Variants in LETM1 observed in about 807,000 individuals in gnomAD.
LETM1 encodes mitochondrial proton/calcium exchanger protein.
In LETM1, 50 loss-of-function variants were observed where a neutral mutation model predicts 74.5. The ratio of observed to expected loss-of-function variants is 0.67; its 90% CI spans 0.53 to 0.85. LETM1 has a LOEUF of 0.85. Ranked by LOEUF, LETM1 falls within the 40% of genes least tolerant of loss-of-function variation. LETM1 has a pLI of 0.00. For synonymous variants in LETM1, 446 were observed against 407.1 expected (o/e 1.10, Z -1.15); for missense variants, 824 against 967.8 (o/e 0.85, Z 1.97).
rs932765202 is a variant in LETM1 at position 1,823,234 on chromosome 4, C to G, written c.1333-103G>C. On this transcript the variant is annotated intron_variant, in intron 8 of 13. Transcript: ENST00000302787. ...CCTGTGTCCCCTGCCCCGTCACCAC[C>G]TGGGCTTCACACACACAGGACAGAA... 2.2e-6 allele frequency: 3 copies of G among 1,388,798 alleles called. No homozygotes were observed. In the African/African-American group the frequency reaches 4.4e-5, roughly 20 times the overall value. The allele number at this position is 1,388,798 out of a possible 1,614,324, so 86.0% of individuals were successfully genotyped here.
intron 1 of LETM1, among the ~76,000 whole-genome samples, chr4:1,852,747 T>A (rs952761551): frequency 2.6e-5 from 4 of 152,100 alleles, no homozygotes; most frequent in Admixed American, 2.6e-4. Context: ...TCTACAAAAA[T>A]GTTAAAACAT....
At chr4:1,848,015 A>T (rs543013500) in intron 2 of LETM1, among the ~76,000 whole-genome samples, 75 of 151,992 alleles carry the variant, frequency 4.9e-4, no homozygotes, top group South Asian at 6.2e-4. Context: ...AAAATAAAAA[A>T]AAAAAAGAAA....
In LETM1 at chr4:1,848,576, C is replaced by T. The variant is rs866397807; in HGVS notation, c.143+573G>A. Among the ~76,000 whole-genome samples, 7 of 149,586 alleles carry T rather than the reference C, an allele frequency of 4.7e-5. No individual in the cohort carries two copies. The East Asian group carries it at 5.9e-4, about 13-fold the overall frequency. ...AAAAAAAAAAAAAAAATTAGCCAGG[C>T]GCAGTGAGGCATGCCTGCAATCCCA... On this transcript the variant is annotated intron_variant, in intron 2 of 13. Transcript: ENST00000302787.
At position 1,856,004 on chromosome 4, in the gene LETM1, C is replaced by T. The variant is rs1347033797; in HGVS notation, c.-54G>A. ...TCCTGCGCTGCCTCCTTCTCCGCGG[C>T]GGCCGCGGCTCTTCGCCGTCCCGGC... On this transcript the variant is annotated 5_prime_UTR_variant, in exon 1 of 14. Transcript: ENST00000302787. The T allele has an allele frequency of 9.0e-7, 1 of 1,110,368 alleles. No individual in the cohort carries two copies. The highest frequency in any genetic ancestry group is 1.1e-6 in the Non-Finnish European group (1 of 886,518). The allele number at this position is 1,110,368 out of a possible 1,614,324, so 68.8% of individuals were successfully genotyped here. A position where few individuals can be genotyped will look rare whatever the true frequency, so the allele number is the denominator to read the frequency against.
chr4:1,850,635 T>A (rs1577328847), intron 1 of LETM1, among the ~76,000 whole-genome samples: 1 of 120,642 alleles, frequency 8.3e-6, no homozygotes, highest in Non-Finnish European at 1.6e-5. Context: ...AGAGCAAGAC[T>A]CTGTCTCAGA....
chr4:1,849,232 TA>T (rs774685231), intron 1 of LETM1, 23 bp from the exon 2 acceptor site: 13 of 1,559,320 alleles, frequency 8.3e-6, no homozygotes, highest in Non-Finnish European at 1.1e-5. Context: ...CAGGGGAAAA[TA>T]AATGAGTAGT....
intron 3 of LETM1, among the ~76,000 whole-genome samples, chr4:1,838,087 G>A (rs1218601392): frequency 3.3e-5 from 5 of 151,954 alleles, no homozygotes; most frequent in African/African-American, 1.2e-4. Context: ...CAGTGCACAG[G>A]ATTATCTTTT....
intron 9 of LETM1, 134 bp downstream of exon 9, chr4:1,822,854 C>A: frequency 3.1e-6 from 3 of 959,864 alleles, no homozygotes; most frequent in Middle Eastern, 3.6e-4. Context: ...CCTGACCACT[C>A]CAGGAGGAAA....
chr4:1,850,629 C>A (rs1713036259), intron 1 of LETM1, among the ~76,000 whole-genome samples: 1 of 127,458 alleles, frequency 7.8e-6, no homozygotes, highest in African/African-American at 3.2e-5. Context: ...GGCGACAGAG[C>A]AAGACTCTGT....
intron 10 of LETM1, among the ~76,000 whole-genome samples, chr4:1,819,794 C>T (rs997796547): frequency 1.3e-5 from 2 of 152,212 alleles, no homozygotes; most frequent in African/African-American, 2.4e-5. Flanking sequence ...GTCCCGCCAC[C>T]GACCCCCAGG....
In LETM1 at chr4:1,836,730, C is replaced by A. The variant is rs1003635459; in HGVS notation, c.595-158G>T. Among the ~76,000 whole-genome samples the A allele has an allele frequency of 6.6e-6, 1 of 152,188 alleles. No homozygotes were observed. Among genetic ancestry groups the A allele is most frequent in the African/African-American group, 2.4e-5 (1 of 41,440 alleles). On this transcript the variant is annotated intron_variant, in intron 3 of 13. Coordinates refer to ENST00000302787, the MANE Select transcript of LETM1 (RefSeq NM_012318.3). This position sits in a 1 kb window ranked among gnomAD's most constrained non-coding sequence, Gnocchi z 5.8. ...TAAGTTCCAGAACCACTTAGCAGAC[C>A]ATTCCCAAAACCCACTTCTTTCTCA...
At chr4:1,828,780 C>T (rs1212194830) in intron 6 of LETM1, among the ~76,000 whole-genome samples, 78 of 123,494 alleles carry the variant, frequency 6.3e-4, no homozygotes, top group Middle Eastern at 0.013. Flanking sequence ...GCCCCCCACC[C>T]CCCGGACGGG....
Position 1,849,223 on chromosome 4 carries a change from A to G in LETM1, c.83-14T>C. 2 of 1,596,638 alleles carry G rather than the reference A, an allele frequency of 1.3e-6. No individual in the cohort carries two copies. Among genetic ancestry groups the G allele is most frequent in the Non-Finnish European group, 8.6e-7 (1 of 1,164,422 alleles). ...CCCCTGGACTACCTGTAACAGGAAC[A>G]GGGGAAAATAAATGAGTAGTAAATC... is the stretch of plus-strand genomic sequence containing the variant. On this transcript the variant is annotated splice_polypyrimidine_tract_variant and intron_variant, in intron 1 of 13. Transcript: ENST00000302787.
At chr4:1,822,399 G>C in intron 9 of LETM1, 87 bp from the exon 10 acceptor site, 1 of 1,304,278 alleles carries the variant, frequency 7.7e-7, no homozygotes, top group Non-Finnish European at 9.9e-7. Context: ...ATATGGCAGA[G>C]GCCACACTGG....
intron 13 of LETM1, among the ~76,000 whole-genome samples, chr4:1,815,333 C>A (rs565780811): frequency 6.6e-6 from 1 of 152,136 alleles, no homozygotes; most frequent in Non-Finnish European, 1.5e-5. Flanking sequence ...CCTGTGCAGT[C>A]GCCCCTCAGC....
intron 8 of LETM1, 81 bp from the exon 9 acceptor site, chr4:1,823,212 G>T: frequency 6.8e-7 from 1 of 1,471,936 alleles, no homozygotes. Context: ...CCTGTGTCCT[G>T]TGTCCCCTGC....
chr4:1,815,953 C>A, intron 12 of LETM1, 151 bp from the exon 13 acceptor site: 1 of 857,002 alleles, frequency 1.2e-6, no homozygotes, highest in Non-Finnish European at 1.8e-6. Flanking sequence ...AAGGTATGAT[C>A]CCATCCTGCA....
At chr4:1,829,311 T>C (rs1577317055) in intron 6 of LETM1, among the ~76,000 whole-genome samples, 2 of 127,284 alleles carry the variant, frequency 1.6e-5, no homozygotes, top group South Asian at 2.6e-4. Flanking sequence ...GAGGCGCCCC[T>C]CACCTCCCAG....
chr4:1,815,679 G>A lies in LETM1; in HGVS notation c.2055C>T (p.Ile685=). The A allele has an allele frequency of 1.9e-6, 3 of 1,614,192 alleles. No homozygotes were observed. Among genetic ancestry groups the A allele is most frequent in the South Asian group, 1.1e-5 (1 of 91,084 alleles). ...CGAGGCCCACCTTGACGAGGTCGTC[G>A]ATGTTGACCTTGCCATCCTTGTTTT... ...LDENKDGKVN[I]DDLVKVIELV... is the part of the protein sequence containing the mutation. Residue 685 remains isoleucine, a synonymous_variant, in exon 13 of 14, where the codon ATC becomes ATT. Coordinates refer to ENST00000302787, the MANE Select transcript of LETM1 (RefSeq NM_012318.3).
Sources: allele counts gnomAD v4.1 joint callset (sites outside exome capture counted in the v4.1 genomes callset), GRCh38; gene constraint gnomAD v4.1.1; non-coding constraint Gnocchi (gnomAD v3.1); transcripts MANE v1.5; gene names NCBI Gene and HGNC (gene_info 2026-07-23, HGNC 2026-07-21).